The following SHANK2 variants were observed in gnomAD, a reference collection of about 807,000 sequenced individuals.
SHANK2 encodes the protein SH3 and multiple ankyrin repeat domains 2, also known as SH3 and multiple ankyrin repeat domains protein 2.
SHANK2 carries 43 observed loss-of-function variants against 133.7 expected under a neutral mutation model. The ratio of observed to expected loss-of-function variants is 0.32; its 90% confidence interval spans 0.25 to 0.41. The LOEUF (loss-of-function observed/expected upper bound fraction) is 0.41. SHANK2 is among the 10% of genes least tolerant of loss of function. The pLI is 1.00. For synonymous variants in SHANK2, 1,017 were observed against 952.8 expected (o/e 1.07, Z -1.24); for missense variants, 1,994 against 2,235.8 (o/e 0.89, Z 2.18).
intron 12 of SHANK2, among the ~76,000 whole-genome samples, chr11:70,813,045 A>G (rs1175262603): frequency 6.6e-6 from 1 of 152,002 alleles, no homozygotes; most frequent in Non-Finnish European, 1.5e-5. Context: ...TTCATCCAGC[A>G]AGTACTCTGC....
At chr11:70,507,898 G>C (rs2059154919) in intron 17 of SHANK2, among the ~76,000 whole-genome samples, 3 of 152,266 alleles carry the variant, frequency 2.0e-5, no homozygotes, top group Admixed American at 2.0e-4. Context: ...AGCTGGGGCT[G>C]GGAGGAACCC....
chr11:70,645,320 C>T (rs143598163), intron 17 of SHANK2, among the ~76,000 whole-genome samples: 16 of 152,108 alleles, frequency 1.1e-4, no homozygotes, highest in African/African-American at 2.2e-4. Flanking sequence ...TGTTGCTGGT[C>T]GGAGGCAGGG....
At chr11:71,212,729 A>T (rs1344015351) in intron 2 of SHANK2, among the ~76,000 whole-genome samples, 1 of 152,236 alleles carries the variant, frequency 6.6e-6, no homozygotes, top group Non-Finnish European at 1.5e-5. Flanking sequence ...CCATGAATCC[A>T]CTTCCTCAAC....
chr11:70,608,588 G>C (rs2060611617), intron 17 of SHANK2, among the ~76,000 whole-genome samples: 1 of 152,200 alleles, frequency 6.6e-6, no homozygotes, highest in African/African-American at 2.4e-5. Flanking sequence ...CGGCAGCAGG[G>C]AGCCACTGAG....
chr11:70,680,436 C>G (rs1470912881), intron 15 of SHANK2, among the ~76,000 whole-genome samples: 12 of 152,248 alleles, frequency 7.9e-5, no homozygotes, highest in Admixed American at 7.2e-4. Flanking sequence ...TAGTGGCCAC[C>G]ACGTTCCCTG....
chr11:70,862,053 A>G (rs1456669527), intron 11 of SHANK2, among the ~76,000 whole-genome samples: 3 of 151,840 alleles, frequency 2.0e-5, no homozygotes, highest in African/African-American at 7.3e-5. Flanking sequence ...GCCAGGGGGA[A>G]TCTGGTGTGG....
At chr11:70,481,964 A>ACCC (rs35524147) in intron 25 of SHANK2, among the ~76,000 whole-genome samples, 1 of 151,970 alleles carries the variant, frequency 6.6e-6, no homozygotes, top group South Asian at 2.1e-4. Context: ...TCCGTCCTGG[A>ACCC]CCCCCCCCCA....
intron 10 of SHANK2, among the ~76,000 whole-genome samples, chr11:70,945,931 T>G (rs782715445): frequency 2.6e-5 from 4 of 151,844 alleles, no homozygotes; most frequent in Non-Finnish European, 4.4e-5. Flanking sequence ...TAACCAAACC[T>G]TCCCAGTTCA....
intron 17 of SHANK2, among the ~76,000 whole-genome samples, chr11:70,657,895 A>G (rs2061423008): frequency 6.6e-6 from 1 of 152,178 alleles, no homozygotes; most frequent in South Asian, 2.1e-4. Context: ...AGCCCCACCC[A>G]GGTGAGCGCT....
chr11:71,250,128 G>T (rs1257443353), intron 1 of SHANK2, among the ~76,000 whole-genome samples: 1 of 58,222 alleles, frequency 1.7e-5, no homozygotes, highest in South Asian at 8.6e-4. Flanking sequence ...CCCCGGGGGT[G>T]GGGGGGAATC....
In SHANK2 at chr11:70,486,254, C is replaced by G. The variant is rs781843400; in HGVS notation, c.4039G>C (p.Glu1347Gln). ...VEMKPDSSPS[E>Q]VPEGVSETEG... ...GTTTCGGAAACACCTTCTGGCACCT[C>G]GGACGGCGAGCTGTCTGGCTTCATC... is the stretch of plus-strand genomic sequence containing the variant. Residue 1347 changes from glutamate (E) to glutamine (Q), a missense_variant, in exon 25 of 26, where the codon GAG (glutamate) becomes CAG (glutamine). Glu to Gln is a conservative substitution (Grantham distance 29). Coordinates refer to ENST00000601538, the MANE Select transcript of SHANK2 (RefSeq NM_012309.5). This position sits in a 1 kb window ranked among gnomAD's most constrained non-coding sequence, Gnocchi z 8.0. The G allele has an allele frequency of 6.2e-7, 1 of 1,613,968 alleles. No individual in the cohort carries two copies. The highest frequency in any genetic ancestry group is 8.5e-7 in the Non-Finnish European group (1 of 1,180,028).
At chr11:70,878,370 T>C (rs140359980) in intron 11 of SHANK2, among the ~76,000 whole-genome samples, 57 of 152,256 alleles carry the variant, frequency 3.7e-4, no homozygotes, top group African/African-American at 8.7e-4. Context: ...CCCCTCCACA[T>C]AGAAGGGAGA....
intron 2 of SHANK2, among the ~76,000 whole-genome samples, chr11:71,158,451 T>C (rs759203479): frequency 6.6e-6 from 1 of 152,208 alleles, no homozygotes; most frequent in Non-Finnish European, 1.5e-5. Flanking sequence ...CATTATCTTT[T>C]TGAAATAAAG....
chr11:71,232,327 G>A (rs531272854), intron 1 of SHANK2, among the ~76,000 whole-genome samples: 2 of 152,202 alleles, frequency 1.3e-5, no homozygotes, highest in South Asian at 2.1e-4. Flanking sequence ...TCAGCATCCC[G>A]GCCAATACTA....
chr11:70,896,807 G>A (rs1040832736), intron 10 of SHANK2, among the ~76,000 whole-genome samples: 3 of 152,134 alleles, frequency 2.0e-5, no homozygotes, highest in East Asian at 3.8e-4. Context: ...ATGAGTGGGG[G>A]CCTCTGTCCA....
chr11:70,733,403 T>C (rs1946330968), intron 14 of SHANK2, among the ~76,000 whole-genome samples: 1 of 152,228 alleles, frequency 6.6e-6, no homozygotes, highest in South Asian at 2.1e-4. Flanking sequence ...GTGGGTACAG[T>C]GATCATCGCC....
intron 13 of SHANK2, among the ~76,000 whole-genome samples, chr11:70,801,716 C>T (rs1329517069): frequency 6.6e-6 from 1 of 152,120 alleles, no homozygotes; most frequent in Non-Finnish European, 1.5e-5. Context: ...CACTGGGATG[C>T]TGAGGGATCC....
chr11:70,630,371 A>G lies in SHANK2; in HGVS notation c.2061+29457T>C, dbSNP rs534587760. ...AAGGACAATCAGACCCAGGCTGCCC[A>G]GGCAGAGGCGGGGCCAGGAAGAGAT... On this transcript the variant is annotated intron_variant, in intron 17 of 25. Coordinates refer to ENST00000601538, the MANE Select transcript of SHANK2 (RefSeq NM_012309.5). Among the ~76,000 whole-genome samples, 14 of 152,316 alleles carry G rather than the reference A, an allele frequency of 9.2e-5. No individual in the cohort carries two copies. The South Asian group carries it at 2.7e-3, about 29-fold the overall frequency.
At chr11:70,636,553 T>C (rs1591683370) in intron 17 of SHANK2, among the ~76,000 whole-genome samples, 1 of 124,520 alleles carries the variant, frequency 8.0e-6, no homozygotes, top group East Asian at 2.1e-4. Flanking sequence ...GAATGCGTGT[T>C]AGTACATGTG....
Sources: allele counts gnomAD v4.1 joint callset (sites outside exome capture counted in the v4.1 genomes callset), GRCh38; gene constraint gnomAD v4.1.1; non-coding constraint Gnocchi (gnomAD v3.1); transcripts MANE v1.5; gene names NCBI Gene and HGNC (gene_info 2026-07-23, HGNC 2026-07-21).